The following MAPT variants were observed in gnomAD, a reference collection of about 807,000 sequenced individuals.
MAPT encodes the protein microtubule-associated protein tau.
MAPT carries 34 observed loss-of-function variants against 67.9 expected under a neutral mutation model. The observed-to-expected ratio is 0.50, with a 90% CI of 0.38 to 0.67. The LOEUF (loss-of-function observed/expected upper bound fraction) is 0.67. Ranked by LOEUF, MAPT falls within the 30% of genes least tolerant of loss-of-function variation. The pLI is 0.00. For missense variants in MAPT, 881 were observed against 1,115.2 expected, an observed-to-expected ratio of 0.79 and a Z score of 2.99; for synonymous variants, 456 against 464.5, an observed-to-expected ratio of 0.98 and a Z score of 0.23.
At chr17:46,011,528 C>T (rs993453593) in intron 10 of MAPT, among the ~76,000 whole-genome samples, 1 of 152,212 alleles carries the variant, frequency 6.6e-6, no homozygotes, top group African/African-American at 2.4e-5. Context: ...AACTGACCCA[C>T]CCGATAAGCT....
At chr17:46,018,506 CA>C (rs2076329013) in intron 11 of MAPT, 111 bp from the exon 12 acceptor site, 1 of 847,250 alleles carries the variant, frequency 1.2e-6, no homozygotes, top group South Asian at 1.3e-5. Flanking sequence ...TGCTGTGCCC[CA>C]GCAGCCCCTG....
intron 10 of MAPT, among the ~76,000 whole-genome samples, chr17:46,012,315 C>T (rs948421854): frequency 6.6e-6 from 1 of 152,208 alleles, no homozygotes; most frequent in African/African-American, 2.4e-5. Flanking sequence ...CCGTGTGTCC[C>T]GCGCTGTGTT....
At chr17:45,990,190 G>C in intron 7 of MAPT, 115 bp downstream of exon 7, 4 of 923,874 alleles carry the variant, frequency 4.3e-6, no homozygotes, top group Non-Finnish European at 5.2e-6. Context: ...TTCTGGCATA[G>C]AAGCACCGTG....
intron 1 of MAPT, among the ~76,000 whole-genome samples, chr17:45,926,427 G>A (rs781309791): frequency 4.6e-5 from 7 of 151,844 alleles, no homozygotes; most frequent in Non-Finnish European, 8.8e-5. Context: ...TCCCATCTTA[G>A]CCTCCCAAGT....
Position 45,982,931 on chromosome 17 carries a change from G to A in MAPT, c.352G>A (p.Ala118Thr), listed in dbSNP as rs2073119717. The A allele has an allele frequency of 8.6e-6, 12 of 1,388,636 alleles. No individual in the cohort carries two copies. The highest frequency in any genetic ancestry group is 5.2e-5 in the East Asian group (2 of 38,458). The allele number at this position is 1,388,636 out of a possible 1,614,324, so 86.0% of individuals were successfully genotyped here. ...PERPLANEIS[A>T]HVQPGPCGEA... ...AAGGCCCCTGGCCAATGAGATTAGC[G>A]CCCACGTCCAGCCTGGACCCTGCGG... Residue 118 changes from alanine to threonine, a missense_variant, in exon 5 of 13, where the codon GCC becomes ACC. Coordinates refer to ENST00000262410, the MANE Select transcript of MAPT (RefSeq NM_001377265.1).
intron 1 of MAPT, among the ~76,000 whole-genome samples, chr17:45,903,859 A>G (rs1421175609): frequency 5.7e-5 from 3 of 52,950 alleles, no homozygotes; most frequent in African/African-American, 2.1e-4. Flanking sequence ...TATATATTAT[A>G]TATATTATAT....
intron 1 of MAPT, among the ~76,000 whole-genome samples, chr17:45,951,076 T>C (rs1227893347): frequency 6.6e-6 from 1 of 151,984 alleles, no homozygotes; most frequent in Non-Finnish European, 1.5e-5. Context: ...CGTGCCAAGA[T>C]CTGGATTCAC....
At position 45,995,222 on chromosome 17, in the gene MAPT, G is replaced by A. The variant is rs113300809; in HGVS notation, c.1733-1177G>A. Among the ~76,000 whole-genome samples, 5,246 of 152,264 alleles carry A rather than the reference G, an allele frequency of 0.034. 325 individuals are homozygous for A. The highest frequency in any genetic ancestry group is 0.12 in the African/African-American group (4,976 of 41,506). On this transcript the variant is annotated intron_variant, in intron 8 of 12. Transcript: ENST00000262410. This position sits in a 1 kb window ranked among gnomAD's most constrained non-coding sequence, Gnocchi z 4.3. ...GGGGCAGCGGCAGGGGCATTGCTGC[G>A]GGAAGCTTCTGGACTTGCAGGAAAG...
chr17:46,014,184 C>A, intron 10 of MAPT, 59 bp from the exon 11 acceptor site: 1 of 967,254 alleles, frequency 1.0e-6, no homozygotes, highest in Non-Finnish European at 1.7e-6. Context: ...TCCTTTTTGT[C>A]TCTCTGTCTT....
At chr17:46,006,074 G>A in intron 9 of MAPT, among the ~76,000 whole-genome samples, 1 of 152,166 alleles carries the variant, frequency 6.6e-6, no homozygotes, top group East Asian at 1.9e-4. Flanking sequence ...ATTGTACATT[G>A]AAACACCAGA....
chr17:45,900,910 AG>A (rs1262188747), intron 1 of MAPT, among the ~76,000 whole-genome samples: 10 of 152,330 alleles, frequency 6.6e-5, no homozygotes, highest in African/African-American at 2.4e-4. Context: ...CCAAGCACAT[AG>A]TAACTGCTCA....
chr17:45,940,059 A>T (rs2067716575), intron 1 of MAPT, among the ~76,000 whole-genome samples: 1 of 152,224 alleles, frequency 6.6e-6, no homozygotes, highest in South Asian at 2.1e-4. Flanking sequence ...CTCAAAAAGA[A>T]AAGAGAGTAG....
At chr17:45,942,216 ATTCTT>A (rs1483597281) in intron 1 of MAPT, among the ~76,000 whole-genome samples, 6 of 152,230 alleles carry the variant, frequency 3.9e-5, no homozygotes, top group African/African-American at 1.4e-4. Context: ...ACATATATGT[ATTCTT>A]TTCTTATGTA....
At chr17:45,949,616 G>A (rs922981713) in intron 1 of MAPT, among the ~76,000 whole-genome samples, 3 of 152,176 alleles carry the variant, frequency 2.0e-5, no homozygotes, top group Non-Finnish European at 4.4e-5. Flanking sequence ...CTCACGGGGT[G>A]GTTGTGAGCA....
chr17:45,976,865 G>A (rs753159720), intron 3 of MAPT: 3 of 152,316 alleles, frequency 2.0e-5, no homozygotes, highest in Non-Finnish European at 4.4e-5. Flanking sequence ...GGCAGTGACC[G>A]TGTCCGAGGA....
rs1246826691 is a variant in MAPT, at chr17:45,996,275, C to T, written c.1733-124C>T. 9.4e-6 allele frequency: 10 copies of T among 1,067,724 alleles called. No individual in the cohort carries two copies. The highest frequency in any genetic ancestry group is 7.2e-5 in the Admixed American group (4 of 55,214). 66.1% of individuals were successfully genotyped at this position (1,067,724 alleles called of 1,614,324 possible). A position where few individuals can be genotyped will look rare whatever the true frequency, so the allele number is the denominator to read the frequency against. On this transcript the variant is annotated intron_variant, in intron 8 of 12. Coordinates refer to ENST00000262410, the MANE Select transcript of MAPT (RefSeq NM_001377265.1). This position sits in a 1 kb window ranked among gnomAD's most constrained non-coding sequence, Gnocchi z 4.5. ...CGTCTGCTGTAGCTGCGCTTCCAAC[C>T]TGGCTTCCACCTGCCTAACCCAGTG...
intron 1 of MAPT, among the ~76,000 whole-genome samples, chr17:45,946,615 A>ATATATATATATATAT (rs1555692455): frequency 1.0e-5 from 1 of 100,408 alleles, no homozygotes; most frequent in Admixed American, 1.1e-4. Flanking sequence ...AAAAAAAAAA[A>ATATATATATATATAT]ATATATATAT....
intron 9 of MAPT, among the ~76,000 whole-genome samples, chr17:45,997,676 C>T (rs1039870433): frequency 2.0e-5 from 3 of 152,180 alleles, no homozygotes; most frequent in Non-Finnish European, 2.9e-5. Context: ...AGGAGAATCG[C>T]TTGAACCCAG....
intron 1 of MAPT, chr17:45,931,744 AC>A: frequency 1.3e-5 from 2 of 152,360 alleles, no homozygotes; most frequent in South Asian, 4.1e-4. Context: ...CAAAAATATT[AC>A]AGTTTGTGGT....
Sources: allele counts gnomAD v4.1 joint callset (sites outside exome capture counted in the v4.1 genomes callset), GRCh38; gene constraint gnomAD v4.1.1; non-coding constraint Gnocchi (gnomAD v3.1); transcripts MANE v1.5; gene names NCBI Gene and HGNC (gene_info 2026-07-23, HGNC 2026-07-21).